Variants in RSPH14 observed in about 807,000 individuals in gnomAD.
RSPH14 encodes the protein rhabdoid tumor deletion region gene 1.
Under a neutral mutation model 26.7 loss-of-function variants are expected in RSPH14, and 20 were observed. That is an observed-to-expected ratio of 0.75 (90% confidence interval 0.53 to 1.09). The LOEUF (loss-of-function observed/expected upper bound fraction) is 1.09, where lower values mean the gene tolerates loss of function less well. RSPH14 is among the 50% of genes least tolerant of loss of function. RSPH14 has a pLI of 0.00. For synonymous variants in RSPH14, 177 were observed against 189.3 expected (o/e 0.93, Z 0.53); for missense variants, 449 against 457.2 (o/e 0.98, Z 0.16).
At chr22:23,145,354 G>A, upstream of RSPH14, 6 of 1,602,480 alleles carry the variant, frequency 3.7e-6, no homozygotes, top group Non-Finnish European at 5.1e-6. Context: ...CTCCAGGCAG[G>A]TTCTCGTTGC....
chr22:23,155,888 G>T, the RSPH14 span: 1 of 1,331,790 alleles, frequency 7.5e-7, no homozygotes, highest in Non-Finnish European at 1.0e-6. Context: ...TCCCACCCAT[G>T]GTCCCGTAGC....
At chr22:23,076,266 C>T (rs116853759) in intron 4 of RSPH14, among the ~76,000 whole-genome samples, 3,125 of 152,336 alleles carry the variant, frequency 0.021, 43 homozygotes, top group Non-Finnish European at 0.032. Flanking sequence ...ATTCATTCAT[C>T]GTATGTGTTT....
intron 1 of RSPH14, 120 bp downstream of exon 1, chr22:23,141,828 GT>G: frequency 3.3e-6 from 1 of 301,856 alleles, no homozygotes; most frequent in Non-Finnish European, 4.9e-6. Context: ...GGCTGGGAGA[GT>G]CCGGCCGGAG....
At chr22:23,064,512 C>T (rs1236540536) in intron 4 of RSPH14, among the ~76,000 whole-genome samples, 1 of 152,164 alleles carries the variant, frequency 6.6e-6, no homozygotes, top group Non-Finnish European at 1.5e-5. Context: ...CTCCACTCTT[C>T]CCTCCCCCTG....
At chr22:23,130,393 T>C (rs181706309) in intron 4 of RSPH14, among the ~76,000 whole-genome samples, 460 of 149,812 alleles carry the variant, frequency 3.1e-3, no homozygotes, top group African/African-American at 0.011. Context: ...AGGTGGAGGT[T>C]GCAGTGAGCT....
chr22:23,072,304 T>A (rs190670548), intron 4 of RSPH14, among the ~76,000 whole-genome samples: 1 of 152,042 alleles, frequency 6.6e-6, no homozygotes, highest in African/African-American at 2.4e-5. Flanking sequence ...CGGGGTGCAG[T>A]GGGGGTGTGG....
chr22:23,116,693 C>A (rs947477259), intron 4 of RSPH14, among the ~76,000 whole-genome samples: 1 of 152,176 alleles, frequency 6.6e-6, no homozygotes, highest in Non-Finnish European at 1.5e-5. Context: ...CCTGGATGAG[C>A]CTCTCACCTC....
At chr22:23,176,059 G>A in the RSPH14 span, among the ~76,000 whole-genome samples, 3 of 152,186 alleles carry the variant, frequency 2.0e-5, no homozygotes, top group Non-Finnish European at 2.9e-5. Flanking sequence ...AAACAACATC[G>A]ATTCACTGGC....
At chr22:23,124,995 G>A (rs2070142919) in intron 4 of RSPH14, 2 of 152,278 alleles carry the variant, frequency 1.3e-5, no homozygotes, top group East Asian at 1.9e-4. Flanking sequence ...GAAAGTCAAA[G>A]GTTGTCTACT....
chr22:23,118,714 A>G (rs2069924165), intron 4 of RSPH14, among the ~76,000 whole-genome samples: 1 of 152,210 alleles, frequency 6.6e-6, no homozygotes, highest in Admixed American at 6.5e-5. Context: ...CTGATGGAGG[A>G]AGTCACTGCA....
upstream of RSPH14, among the ~76,000 whole-genome samples, chr22:23,143,088 T>C (rs959603870): frequency 4.6e-5 from 7 of 152,146 alleles, no homozygotes; most frequent in Non-Finnish European, 1.0e-4. Context: ...ATTGGTATAT[T>C]GACCATTTTG....
At chr22:23,064,282 C>A in intron 4 of RSPH14, 149 bp from the exon 5 acceptor site, 1 of 704,926 alleles carries the variant, frequency 1.4e-6, no homozygotes, top group South Asian at 1.8e-5. Flanking sequence ...CACACACGTC[C>A]CGCCTGGCCA....
At chr22:23,178,561 G>C in the RSPH14 span, among the ~76,000 whole-genome samples, 5 of 152,228 alleles carry the variant, frequency 3.3e-5, no homozygotes, top group African/African-American at 1.2e-4. Context: ...TGATGGGAAG[G>C]GGATGAGAAG....
chr22:23,091,911 TG>T (rs2068991278), intron 4 of RSPH14, among the ~76,000 whole-genome samples: 1 of 152,172 alleles, frequency 6.6e-6, no homozygotes, highest in Admixed American at 6.5e-5. Context: ...AGTTCCCCTT[TG>T]TGTTAGGGAT....
At chr22:23,090,450 C>T (rs2034814722) in intron 4 of RSPH14, among the ~76,000 whole-genome samples, 1 of 152,158 alleles carries the variant, frequency 6.6e-6, no homozygotes, top group South Asian at 2.1e-4. Context: ...TCTGGTCTGG[C>T]TTCAGCGCAG....
the RSPH14 span, among the ~76,000 whole-genome samples, chr22:23,168,263 C>T: frequency 1.3e-5 from 2 of 152,168 alleles, no homozygotes; most frequent in African/African-American, 4.8e-5. Context: ...GGAGGCAGCT[C>T]CCTCCAGCTC....
chr22:23,068,955 CACCT>C (rs1332613365), intron 4 of RSPH14, among the ~76,000 whole-genome samples: 1 of 152,204 alleles, frequency 6.6e-6, no homozygotes, highest in Non-Finnish European at 1.5e-5. Context: ...CCTCACTGGA[CACCT>C]CCAGTGAGCA....
intron 4 of RSPH14, among the ~76,000 whole-genome samples, chr22:23,068,999 A>G (rs2068275370): frequency 6.6e-6 from 1 of 152,136 alleles, no homozygotes; most frequent in African/African-American, 2.4e-5. Context: ...GCCCATAACA[A>G]ATATACGTCC....
the RSPH14 span, among the ~76,000 whole-genome samples, chr22:23,174,836 T>A: frequency 6.6e-6 from 1 of 151,558 alleles, no homozygotes; most frequent in African/African-American, 2.4e-5. Context: ...GGAATGGTGG[T>A]GCATGCCTGT....
Sources: gnomAD v4.1 joint callset for allele counts (sites outside exome capture counted in the v4.1 genomes callset) on GRCh38, gnomAD v4.1.1 for gene constraint, MANE v1.5 for transcripts, NCBI Gene and HGNC (gene_info 2026-07-23, HGNC 2026-07-21) for gene names.